Variants in NXPE2 observed in about 807,000 individuals in gnomAD.
NXPE2 encodes the protein neurexophilin and PC-esterase domain family member 2.
A neutral mutation model predicts 34.4 loss-of-function variants in NXPE2; 34 were observed. The observed-to-expected ratio is 0.99, with a 90% CI of 0.75 to 1.31. The LOEUF is 1.31. NXPE2 is among the 40% of genes most tolerant of loss of function. NXPE2 has a pLI of 0.00. For missense variants in NXPE2, 649 were observed against 672.5 expected, an observed-to-expected ratio of 0.97 and a Z score of 0.39; for synonymous variants, 235 against 231.3, an observed-to-expected ratio of 1.02 and a Z score of -0.15.
the NXPE2 span, among the ~76,000 whole-genome samples, chr11:114,807,355 T>G: frequency 6.6e-6 from 1 of 152,190 alleles, no homozygotes; most frequent in African/African-American, 2.4e-5. Context: ...TAACTTTAAA[T>G]GTAAATGGGC....
chr11:114,812,409 T>C, the NXPE2 span, among the ~76,000 whole-genome samples: 6 of 152,236 alleles, frequency 3.9e-5, no homozygotes, highest in Non-Finnish European at 5.9e-5. Context: ...ATTTTCAATG[T>C]AGAGCAGGTG....
the NXPE2 span, among the ~76,000 whole-genome samples, chr11:114,561,342 G>T: frequency 1.3e-5 from 2 of 152,162 alleles, no homozygotes; most frequent in African/African-American, 4.8e-5. Context: ...CTCCCACTCA[G>T]CGTAACGTCC....
the NXPE2 span, among the ~76,000 whole-genome samples, chr11:114,590,599 C>T: frequency 2.4e-4 from 37 of 152,210 alleles, no homozygotes; most frequent in Non-Finnish European, 5.0e-4. Flanking sequence ...TACCAGCCCT[C>T]AGCCCCTCTG....
the NXPE2 span, among the ~76,000 whole-genome samples, chr11:114,536,220 T>G: frequency 6.6e-6 from 1 of 152,176 alleles, no homozygotes; most frequent in Non-Finnish European, 1.5e-5. Flanking sequence ...AATGAAGATG[T>G]TCTTTGAAAC....
chr11:114,506,443 C>T, the NXPE2 span, among the ~76,000 whole-genome samples: 1 of 152,152 alleles, frequency 6.6e-6, no homozygotes, highest in African/African-American at 2.4e-5. Context: ...TTTTCATTGC[C>T]ACATGGCACA....
At chr11:114,515,194 T>A in the NXPE2 span, among the ~76,000 whole-genome samples, 1 of 151,812 alleles carries the variant, frequency 6.6e-6, no homozygotes, top group African/African-American at 2.4e-5. Flanking sequence ...AGTCTTTTAT[T>A]TTTTTTTAAA....
the NXPE2 span, among the ~76,000 whole-genome samples, chr11:114,471,900 C>G: frequency 6.6e-6 from 1 of 152,102 alleles, no homozygotes; most frequent in Non-Finnish European, 1.5e-5. Flanking sequence ...CAACCAACCC[C>G]CCTAAAATGT....
chr11:114,769,786 G>A, the NXPE2 span, among the ~76,000 whole-genome samples: 1 of 152,108 alleles, frequency 6.6e-6, no homozygotes, highest in Admixed American at 6.5e-5. Context: ...ACACAGGGAG[G>A]GGAACATCAC....
chr11:114,536,550 A>G, the NXPE2 span, among the ~76,000 whole-genome samples: 1 of 152,178 alleles, frequency 6.6e-6, no homozygotes, highest in African/African-American at 2.4e-5. Flanking sequence ...CTAATAAAGA[A>G]GAAAAGAGAG....
At chr11:114,552,744 C>T in the NXPE2 span, 1 of 261,440 alleles carries the variant, frequency 3.8e-6, no homozygotes, top group Non-Finnish European at 5.9e-6. Flanking sequence ...TATGTTTCAG[C>T]AGCATTGAAA....
the NXPE2 span, among the ~76,000 whole-genome samples, chr11:114,482,811 G>C: frequency 1.3e-5 from 2 of 152,174 alleles, no homozygotes. Context: ...CATTTCATAA[G>C]AAGCTTTGTT....
chr11:114,580,788 A>T, the NXPE2 span, among the ~76,000 whole-genome samples: 1 of 152,170 alleles, frequency 6.6e-6, no homozygotes, highest in Non-Finnish European at 1.5e-5. Flanking sequence ...AAATATTAAC[A>T]ACTAGTTTGG....
the NXPE2 span, among the ~76,000 whole-genome samples, chr11:114,809,293 A>G: frequency 6.6e-6 from 1 of 152,050 alleles, no homozygotes; most frequent in East Asian, 1.9e-4. Flanking sequence ...CAAGACAGGG[A>G]TGCCCTCTCT....
chr11:114,713,384 A>G, the NXPE2 span, among the ~76,000 whole-genome samples: 1 of 152,188 alleles, frequency 6.6e-6, no homozygotes, highest in African/African-American at 2.4e-5. Context: ...TGTGGAAATC[A>G]AGAGTATGTC....
chr11:114,800,657 A>G, the NXPE2 span, among the ~76,000 whole-genome samples: 1 of 152,238 alleles, frequency 6.6e-6, no homozygotes, highest in African/African-American at 2.4e-5. Context: ...TGTCATGAAT[A>G]AATACTGACA....
chr11:114,538,310 T>A, the NXPE2 span, among the ~76,000 whole-genome samples: 1 of 152,184 alleles, frequency 6.6e-6, no homozygotes, highest in Non-Finnish European at 1.5e-5. Flanking sequence ...ATGTTTGACC[T>A]AAAACCATAA....
the NXPE2 span, among the ~76,000 whole-genome samples, chr11:114,805,380 A>G: frequency 4.6e-5 from 7 of 152,174 alleles, no homozygotes; most frequent in Non-Finnish European, 4.4e-5. Flanking sequence ...GAGCCGAAGC[A>G]GGGCAAGGCA....
At chr11:114,684,599 A>G (rs1373495350) in intron 2 of NXPE2, among the ~76,000 whole-genome samples, 1 of 152,128 alleles carries the variant, frequency 6.6e-6, no homozygotes, top group African/African-American at 2.4e-5. Context: ...AGTTAGTGGT[A>G]GTGGAGAAAG....
the NXPE2 span, among the ~76,000 whole-genome samples, chr11:114,774,511 A>T: frequency 6.6e-6 from 1 of 152,194 alleles, no homozygotes; most frequent in African/African-American, 2.4e-5. Flanking sequence ...CGGGACGGTA[A>T]CCCTGGCAGC....
Sources: allele counts gnomAD v4.1 joint callset (sites outside exome capture counted in the v4.1 genomes callset), GRCh38; gene constraint gnomAD v4.1.1; transcripts MANE v1.5; gene names NCBI Gene and HGNC (gene_info 2026-07-23, HGNC 2026-07-21).